PREX1: variants seen among roughly 807,000 people sequenced by gnomAD.
PREX1 encodes the protein phosphatidylinositol-3,4,5-trisphosphate dependent Rac exchange factor 1, also known as phosphatidylinositol 3,4,5-trisphosphate-dependent Rac exchanger 1 protein.
Under a neutral mutation model 198.3 loss-of-function variants are expected in PREX1, and 41 were observed. The observed-to-expected ratio is 0.21, with a 90% CI of 0.16 to 0.27. The LOEUF (loss-of-function observed/expected upper bound fraction) is 0.27, where lower values mean the gene tolerates loss of function less well. Ranked by LOEUF, PREX1 falls within the 10% of genes least tolerant of loss-of-function variation. The pLI is 1.00. For synonymous variants in PREX1, 843 were observed against 887.2 expected, an observed-to-expected ratio of 0.95 and a Z score of 0.89; for missense variants, 1,620 against 2,200.7, an observed-to-expected ratio of 0.74 and a Z score of 5.28.
intron 1 of PREX1, among the ~76,000 whole-genome samples, chr20:48,817,856 T>C (rs544785604): frequency 6.6e-6 from 1 of 152,274 alleles, no homozygotes; most frequent in African/African-American, 2.4e-5. Flanking sequence ...GTAGCAGGCA[T>C]TGTTGGTGCT....
chr20:48,682,355 C>T (rs1454369493), intron 10 of PREX1, among the ~76,000 whole-genome samples: 2 of 152,206 alleles, frequency 1.3e-5, no homozygotes, highest in East Asian at 3.8e-4. Context: ...CATCACATCT[C>T]TGTGTTGCTT....
At chr20:48,638,273 CACAT>C (rs1269817627) in intron 30 of PREX1, among the ~76,000 whole-genome samples, 1 of 152,104 alleles carries the variant, frequency 6.6e-6, no homozygotes, top group Non-Finnish European at 1.5e-5. Context: ...TCTGCAGACT[CACAT>C]ACATATGTAC....
the PREX1 span, among the ~76,000 whole-genome samples, chr20:48,847,906 C>G: frequency 1.3e-5 from 2 of 152,190 alleles, no homozygotes; most frequent in Non-Finnish European, 2.9e-5. Context: ...TCAACATAAA[C>G]AATGTTTTTA....
intron 5 of PREX1, among the ~76,000 whole-genome samples, chr20:48,714,410 A>G (rs961677930): frequency 1.3e-5 from 2 of 152,250 alleles, no homozygotes; most frequent in Non-Finnish European, 2.9e-5. Context: ...AACCCTTACA[A>G]CTTAACAACA....
chr20:48,812,138 T>C (rs946833397), intron 1 of PREX1, among the ~76,000 whole-genome samples: 2 of 152,256 alleles, frequency 1.3e-5, no homozygotes, highest in African/African-American at 4.8e-5. Context: ...CCAGGTTTTT[T>C]CAGCCCTCAG....
intron 8 of PREX1, 145 bp downstream of exon 8, chr20:48,692,527 T>G: frequency 6.5e-6 from 4 of 614,030 alleles, no homozygotes; most frequent in Non-Finnish European, 1.1e-5. Flanking sequence ...GATGTTCGCT[T>G]CATGCATCTA....
intron 1 of PREX1, among the ~76,000 whole-genome samples, chr20:48,796,445 C>T (rs1185478393): frequency 6.6e-6 from 1 of 152,030 alleles, no homozygotes; most frequent in Admixed American, 6.6e-5. Flanking sequence ...TACTGTGGGC[C>T]CCACTTGTGT....
Position 48,827,526 on chromosome 20 carries a change from G to T in PREX1, c.219+116C>A. ...CCCCCCCGCTTTCCGCGCGCCCTGC[G>T]GGGCGCCCCCGAGGCAATTCTCCAC... On this transcript the variant is annotated intron_variant, in intron 1 of 39. Coordinates refer to ENST00000371941, the MANE Select transcript of PREX1 (RefSeq NM_020820.4). The surrounding 1 kb of genome is among the most constrained non-coding windows in gnomAD (Gnocchi z 4.1). 1.3e-6 allele frequency: 1 copy of T among 794,594 alleles called. No individual in the cohort carries two copies. The allele number at this position is 794,594 out of a possible 1,614,324, so 49.2% of individuals were successfully genotyped here. A position where few individuals can be genotyped will look rare whatever the true frequency, so the allele number is the denominator to read the frequency against.
the PREX1 span, among the ~76,000 whole-genome samples, chr20:48,870,232 T>G: frequency 6.6e-6 from 1 of 152,174 alleles, no homozygotes; most frequent in Non-Finnish European, 1.5e-5. Flanking sequence ...ATTACACACC[T>G]TATTGTTTTA....
At chr20:48,872,752 C>CAAAT in the PREX1 span, among the ~76,000 whole-genome samples, 1,229 of 151,958 alleles carry the variant, frequency 8.1e-3, 4 homozygotes, top group African/African-American at 0.013. Flanking sequence ...TCTCAATAAA[C>CAAAT]AAATAAATAA....
chr20:48,652,268 A>C (rs1426285392), intron 21 of PREX1, among the ~76,000 whole-genome samples: 1 of 79,966 alleles, frequency 1.3e-5, no homozygotes, highest in Non-Finnish European at 2.8e-5. Flanking sequence ...CCTCATCTCT[A>C]AAAAAAAAAC....
intron 33 of PREX1, 109 bp from the exon 34 acceptor site, chr20:48,632,748 G>T: frequency 1.6e-6 from 2 of 1,234,920 alleles, no homozygotes; most frequent in Non-Finnish European, 2.3e-6. Flanking sequence ...AGGTCCAGGG[G>T]GGCACCCTGG....
intron 4 of PREX1, among the ~76,000 whole-genome samples, chr20:48,730,712 G>A (rs1373113857): frequency 1.3e-5 from 2 of 152,088 alleles, no homozygotes; most frequent in East Asian, 3.9e-4. Flanking sequence ...TCTCATACTT[G>A]GACTGGGCAG....
intron 6 of PREX1, among the ~76,000 whole-genome samples, chr20:48,704,696 C>A (rs2123077651): frequency 6.6e-6 from 1 of 152,296 alleles, no homozygotes; most frequent in Admixed American, 6.5e-5. Context: ...ACTGGGATTA[C>A]AGGCATGCTC....
intron 27 of PREX1, among the ~76,000 whole-genome samples, chr20:48,643,467 C>CA (rs928756623): frequency 4.1e-5 from 6 of 146,268 alleles, no homozygotes; most frequent in Admixed American, 2.1e-4. Flanking sequence ...GACTCTGTCT[C>CA]AAAAAAAAAT....
At chr20:48,780,488 A>G (rs2090283962) in intron 1 of PREX1, among the ~76,000 whole-genome samples, 3 of 152,320 alleles carry the variant, frequency 2.0e-5, no homozygotes, top group Non-Finnish European at 4.4e-5. Context: ...AATGTTCAAA[A>G]AAAAGAGAAA....
At chr20:48,660,643 T>TA (rs1332757259) in intron 15 of PREX1, among the ~76,000 whole-genome samples, 1 of 152,216 alleles carries the variant, frequency 6.6e-6, no homozygotes, top group East Asian at 1.9e-4. Context: ...GACCCTCTTG[T>TA]ACTAGACTAA....
intron 1 of PREX1, among the ~76,000 whole-genome samples, chr20:48,807,199 C>T (rs555675227): frequency 3.3e-5 from 5 of 152,296 alleles, no homozygotes; most frequent in South Asian, 2.1e-4. Flanking sequence ...TCTTTTTCTA[C>T]ACTCCCCCCC....
At chr20:48,759,180 C>T (rs1454923158) in intron 1 of PREX1, among the ~76,000 whole-genome samples, 1 of 152,184 alleles carries the variant, frequency 6.6e-6, no homozygotes, top group Non-Finnish European at 1.5e-5. Context: ...GACTCCATCT[C>T]TCTGGGCCTC....
Sources: allele counts gnomAD v4.1 joint callset (sites outside exome capture counted in the v4.1 genomes callset), GRCh38; gene constraint gnomAD v4.1.1; non-coding constraint Gnocchi (gnomAD v3.1); transcripts MANE v1.5; gene names NCBI Gene and HGNC (gene_info 2026-07-23, HGNC 2026-07-21).